MTG2: variants seen among roughly 807,000 people sequenced by gnomAD.
MTG2 encodes mitochondrial ribosome associated GTPase 2, also known as mitochondrial ribosome-associated GTPase 2.
In MTG2, 23 loss-of-function variants were observed where a neutral mutation model predicts 28.6. The ratio of observed to expected loss-of-function variants is 0.80; its 90% confidence interval spans 0.58 to 1.14. The LOEUF is 1.14. MTG2 is among the 50% of genes most tolerant of loss of function. The pLI is 0.00. For synonymous variants in MTG2, 260 were observed against 251.8 expected (o/e 1.03, Z -0.31); for missense variants, 539 against 552.0 (o/e 0.98, Z 0.24).
chr20:62,184,230 C>T (rs751262109), intron 1 of MTG2, among the ~76,000 whole-genome samples: 10 of 152,224 alleles, frequency 6.6e-5, no homozygotes, highest in Non-Finnish European at 1.2e-4. Flanking sequence ...TGGTGGCAGG[C>T]GCCTGTAATC....
At chr20:62,199,018 C>A in intron 5 of MTG2, 101 bp from the exon 6 acceptor site, 1 of 1,575,540 alleles carries the variant, frequency 6.3e-7, no homozygotes, top group East Asian at 2.3e-5. Flanking sequence ...TTGTGACTCC[C>A]CCAGCCCTGA....
At chr20:62,187,088 T>C (rs2057864934) in intron 1 of MTG2, among the ~76,000 whole-genome samples, 1 of 152,150 alleles carries the variant, frequency 6.6e-6, no homozygotes, top group Admixed American at 6.5e-5. Flanking sequence ...TGCTGAGATG[T>C]TTTGTTTTCC....
chr20:62,201,080 A>C lies in MTG2; in HGVS notation c.*3A>C, dbSNP rs2058162480. ...GCCGCCAGCCGCTCAGGTGGTAGCC[A>C]CGCCAGAGCGGGGTCGCCTCTGGGC... On this transcript the variant is annotated 3_prime_UTR_variant, in exon 7 of 7. Coordinates refer to ENST00000370823, the MANE Select transcript of MTG2 (RefSeq NM_015666.4). 1 of 1,587,872 alleles carries C rather than the reference A, an allele frequency of 6.3e-7. No homozygotes were observed. The highest frequency in any genetic ancestry group is 8.6e-7 in the Non-Finnish European group (1 of 1,168,730).
chr20:62,193,470 G>A lies in MTG2; in HGVS notation c.50G>A (p.Gly17Asp). ...FSARLRTVFQ[G>D]VGHWALSTWA... ...GCAAGATTGAGGACCGTGTTTCAGG[G>A]CGTGGGGCATTGGGCTTTGTCCACA... Residue 17 changes from glycine to aspartate, a missense_variant, in exon 2 of 7, where the codon GGC becomes GAC. Physicochemically the swap from Gly to Asp is moderately conservative, Grantham distance 94 (BLOSUM62 -1). Transcript: ENST00000370823. The A allele has an allele frequency of 6.2e-7, 1 of 1,614,212 alleles. No homozygotes were observed. The highest frequency in any genetic ancestry group is 8.5e-7 in the Non-Finnish European group (1 of 1,180,026).
intron 1 of MTG2, among the ~76,000 whole-genome samples, chr20:62,189,317 G>GA (rs765949239): frequency 6.7e-6 from 1 of 150,028 alleles, no homozygotes; most frequent in Non-Finnish European, 1.5e-5. Flanking sequence ...AAAAAAAAAA[G>GA]AAAAAAAAGT....
At chr20:62,190,965 G>T (rs1174910812) in intron 1 of MTG2, among the ~76,000 whole-genome samples, 2 of 152,244 alleles carry the variant, frequency 1.3e-5, no homozygotes, top group Non-Finnish European at 2.9e-5. Flanking sequence ...AGAATGGGGA[G>T]CTCTGGGAGC....
At chr20:62,191,861 C>T (rs1315855306) in intron 1 of MTG2, among the ~76,000 whole-genome samples, 2 of 152,228 alleles carry the variant, frequency 1.3e-5, no homozygotes, top group South Asian at 2.1e-4. Context: ...GACTTCCTCA[C>T]TGTGCCCTTG....
At position 62,193,689 on chromosome 20, in the gene MTG2, G is replaced by A. The variant is rs1049072137; in HGVS notation, c.204+65G>A. On this transcript the variant is annotated intron_variant, in intron 2 of 6. Coordinates refer to ENST00000370823, the MANE Select transcript of MTG2 (RefSeq NM_015666.4). Reference sequence around the variant, plus strand: ...CTCAGAAGGCACAGGGTGTGGTTTCGGGTCCTCCTCTGGGTCTCATCTCTG... The same window carrying A: ...CTCAGAAGGCACAGGGTGTGGTTTCAGGTCCTCCTCTGGGTCTCATCTCTG... 10 of 1,451,850 alleles carry A rather than the reference G, an allele frequency of 6.9e-6. No individual in the cohort carries two copies. In the African/African-American group the frequency reaches 8.5e-5, roughly 12 times the overall value. 89.9% of individuals were successfully genotyped at this position (1,451,850 alleles called of 1,614,324 possible).
chr20:62,191,192 G>A (rs554011281), intron 1 of MTG2, among the ~76,000 whole-genome samples: 3 of 152,274 alleles, frequency 2.0e-5, no homozygotes, highest in East Asian at 1.9e-4. Context: ...GGGCTGGCTC[G>A]GGAGTCAGGA....
chr20:62,184,429 C>T (rs1276138491), intron 1 of MTG2, among the ~76,000 whole-genome samples: 1 of 152,130 alleles, frequency 6.6e-6, no homozygotes, highest in African/African-American at 2.4e-5. Context: ...TATAAAGGGA[C>T]CGTTTGCAAA....
intron 1 of MTG2, among the ~76,000 whole-genome samples, chr20:62,185,974 C>T (rs781716043): frequency 2.6e-5 from 4 of 152,134 alleles, no homozygotes; most frequent in African/African-American, 9.7e-5. Context: ...GGCAAGACTC[C>T]GAGTTCAGGT....
chr20:62,197,232 A>C (rs4925353), intron 3 of MTG2: 32,689 of 151,484 alleles, frequency 0.22, 3,808 homozygotes, highest in South Asian at 0.39. Context: ...CCCCATCTCT[A>C]CTAAAAATAG....
Position 62,183,522 on chromosome 20 carries a change from A to G in MTG2, c.-6+465A>G, listed in dbSNP as rs535936418. On this transcript the variant is annotated intron_variant, in intron 1 of 6. Transcript: ENST00000370823. ...TACACATTTGGATGATAAAACAACA[A>G]TAAAGTTTTGTATTGTAAACGCGCC... 5.5e-4 allele frequency among the ~76,000 whole-genome samples: 84 copies of G among 152,392 alleles called. 1 individual carries two copies. Among genetic ancestry groups the G allele is most frequent in the Non-Finnish European group, 1.1e-3 (75 of 68,044 alleles).
At chr20:62,198,887 A>G (rs1190059701) in intron 5 of MTG2, 35 bp downstream of exon 5, 1 of 1,611,612 alleles carries the variant, frequency 6.2e-7, no homozygotes, top group Non-Finnish European at 8.5e-7. Flanking sequence ...ATCTGCACAC[A>G]CTCAGCTCTA....
At chr20:62,193,303 G>C in intron 1 of MTG2, 113 bp from the exon 2 acceptor site, 1 of 1,069,944 alleles carries the variant, frequency 9.3e-7, no homozygotes, top group Non-Finnish European at 1.4e-6. Flanking sequence ...CAGTTCACTT[G>C]TTTGTTTCAG....
In MTG2 at chr20:62,201,004, TGC is replaced by T. The variant is rs1441506982; in HGVS notation, c.1149_1150del (p.His384ProfsTer6). ...GGCGAGAACCTGGAGCAGCTGCTGT[TGC>T]ACCTGAAGGTGCTGTATGACGCCTA... is the stretch of plus-strand genomic sequence containing the variant. On this transcript the variant is annotated frameshift_variant, in exon 7 of 7. Coordinates refer to ENST00000370823, the MANE Select transcript of MTG2 (RefSeq NM_015666.4). LOFTEE classifies it low-confidence loss of function (END_TRUNC). 6.2e-7 allele frequency: 1 copy of T among 1,613,504 alleles called. No individual in the cohort carries two copies. The highest frequency in any genetic ancestry group is 1.7e-5 in the Admixed American group (1 of 60,012).
intron 1 of MTG2, 137 bp from the exon 2 acceptor site, chr20:62,193,278 GA>G (rs1245528033): frequency 3.5e-6 from 3 of 847,546 alleles, no homozygotes; most frequent in Non-Finnish European, 1.9e-6. Flanking sequence ...GAGTGACCAG[GA>G]AAATCGGATT....
At chr20:62,186,666 C>G (rs1002050329) in intron 1 of MTG2, among the ~76,000 whole-genome samples, 18 of 151,906 alleles carry the variant, frequency 1.2e-4, no homozygotes, top group African/African-American at 4.4e-4. Flanking sequence ...GTAGCCGGGA[C>G]TACAGGCACG....
intron 4 of MTG2, 24 bp downstream of exon 4, chr20:62,197,991 G>T: frequency 6.3e-7 from 1 of 1,599,952 alleles, no homozygotes; most frequent in Non-Finnish European, 8.6e-7. Context: ...GCCGGACCTG[G>T]CCCTGTCCCC....
Sources: gnomAD v4.1 joint callset for allele counts (sites outside exome capture counted in the v4.1 genomes callset) on GRCh38, gnomAD v4.1.1 for gene constraint, MANE v1.5 for transcripts, NCBI Gene and HGNC (gene_info 2026-07-23, HGNC 2026-07-21) for gene names.